The following MAML2 variants were observed in gnomAD, a reference collection of about 807,000 sequenced individuals.
The protein encoded by MAML2 is mastermind like transcriptional coactivator 2.
A neutral mutation model predicts 96.1 loss-of-function variants in MAML2; 22 were observed. That is an observed-to-expected ratio of 0.23 (90% CI 0.16 to 0.33). The LOEUF (loss-of-function observed/expected upper bound fraction) is 0.33. Ranked by LOEUF, MAML2 falls within the 10% of genes least tolerant of loss-of-function variation. MAML2 has a pLI of 1.00. For synonymous variants in MAML2, 561 were observed against 521.3 expected (o/e 1.08, Z -1.04); for missense variants, 1,367 against 1,392.4 (o/e 0.98, Z 0.29).
At chr11:96,132,369 C>T (rs895965160) in intron 1 of MAML2, among the ~76,000 whole-genome samples, 24 of 152,316 alleles carry the variant, frequency 1.6e-4, no homozygotes, top group African/African-American at 5.1e-4. Context: ...TGCCAGAGTG[C>T]ATGCCCTAGT....
In MAML2 at chr11:96,093,284, A is replaced by G. The variant is rs1859763669; in HGVS notation, c.747T>C (p.His249=). The change falls in exon 2 of 5, where the codon CAT becomes CAC. Residue 249 remains histidine (H), a synonymous_variant. Transcript: ENST00000524717. ...PLRKTNTLPS[H]THSPGNGLFN... Reference sequence around the variant, plus strand: ...ACAGGCCATTGCCAGGAGAATGTGTATGGGATGGCAGAGTGTTAGTCTTTC... The same window carrying G: ...ACAGGCCATTGCCAGGAGAATGTGTGTGGGATGGCAGAGTGTTAGTCTTTC... The G allele has an allele frequency of 3.7e-6, 6 of 1,614,008 alleles. No homozygotes were observed. The highest frequency in any genetic ancestry group is 5.1e-6 in the Non-Finnish European group (6 of 1,179,894).
At chr11:96,168,194 A>G (rs1230681982) in intron 1 of MAML2, among the ~76,000 whole-genome samples, 1 of 152,222 alleles carries the variant, frequency 6.6e-6, no homozygotes, top group Non-Finnish European at 1.5e-5. Context: ...TGAATATAAC[A>G]GTAGTAACTA....
intron 1 of MAML2, among the ~76,000 whole-genome samples, chr11:96,258,790 G>T (rs375504131): frequency 6.6e-6 from 1 of 152,314 alleles, no homozygotes; most frequent in East Asian, 1.9e-4. Flanking sequence ...AGAGCCAATG[G>T]GAGTCAGCCA....
chr11:96,327,368 G>A (rs1021494902), intron 1 of MAML2, among the ~76,000 whole-genome samples: 1 of 152,084 alleles, frequency 6.6e-6, no homozygotes, highest in Non-Finnish European at 1.5e-5. Context: ...GTAATTGGCA[G>A]GTTCTTGTCT....
rs567211497 is a variant in MAML2 at position 96,132,250 on chromosome 11, C to A, written c.514-38733G>T. Among the ~76,000 whole-genome samples the A allele has an allele frequency of 3.9e-5, 6 of 152,234 alleles. No homozygotes were observed. The East Asian group carries it at 1.2e-3, about 29-fold the overall frequency. On this transcript the variant is annotated intron_variant, in intron 1 of 4. Transcript: ENST00000524717. The stretch of plus-strand genomic sequence containing the variant: ...ATGAGGTGAGGCATTTGTTGCAGTA[C>A]CTTTTACCCTTTAATTCATTTATTC...
intron 2 of MAML2, among the ~76,000 whole-genome samples, chr11:96,009,296 A>G (rs1469357421): frequency 6.6e-6 from 1 of 152,024 alleles, no homozygotes; most frequent in Non-Finnish European, 1.5e-5. Context: ...TATTTTCTTT[A>G]CCTTGATCTG....
At chr11:96,147,507 G>A (rs1202269175) in intron 1 of MAML2, among the ~76,000 whole-genome samples, 1 of 152,140 alleles carries the variant, frequency 6.6e-6, no homozygotes, top group African/African-American at 2.4e-5. Context: ...TTAAATCGTA[G>A]ATCTGATTTA....
intron 1 of MAML2, among the ~76,000 whole-genome samples, chr11:96,252,521 G>T (rs2135967759): frequency 6.6e-6 from 1 of 151,160 alleles, no homozygotes; most frequent in Admixed American, 6.7e-5. Context: ...TGCCTCCCGG[G>T]TTCAAACAAT....
chr11:96,244,941 C>T (rs1046979666), intron 1 of MAML2, among the ~76,000 whole-genome samples: 8 of 152,156 alleles, frequency 5.3e-5, no homozygotes, highest in South Asian at 4.1e-4. Context: ...ATTTTGTCCA[C>T]CTGAAACAAA....
intron 2 of MAML2, among the ~76,000 whole-genome samples, chr11:96,005,261 ACTT>A (rs10554206): frequency 0.24 from 35,761 of 151,930 alleles, 4,494 homozygotes; most frequent in East Asian, 0.38. Flanking sequence ...GACAATTTTT[ACTT>A]CTTATCACGT....
At chr11:96,010,680 GA>G (rs1334293376) in intron 2 of MAML2, among the ~76,000 whole-genome samples, 11 of 152,146 alleles carry the variant, frequency 7.2e-5, no homozygotes, top group African/African-American at 2.7e-4. Context: ...TAAAACACAA[GA>G]AAAGTTGCTT....
At chr11:96,127,704 T>G (rs1860471257) in intron 1 of MAML2, among the ~76,000 whole-genome samples, 1 of 152,238 alleles carries the variant, frequency 6.6e-6, no homozygotes, top group African/African-American at 2.4e-5. Flanking sequence ...TGGCACAGAT[T>G]ACTGCCTTCG....
intron 1 of MAML2, among the ~76,000 whole-genome samples, chr11:96,188,747 G>A (rs772246023): frequency 2.0e-5 from 3 of 151,992 alleles, no homozygotes; most frequent in Non-Finnish European, 4.4e-5. Flanking sequence ...TGTGGGAGGG[G>A]ACTGACAATG....
chr11:96,149,009 T>C (rs1860873085), intron 1 of MAML2, among the ~76,000 whole-genome samples: 1 of 152,214 alleles, frequency 6.6e-6, no homozygotes, highest in Non-Finnish European at 1.5e-5. Context: ...CTCGTCACTT[T>C]AGGATCTCCC....
intron 1 of MAML2, among the ~76,000 whole-genome samples, chr11:96,159,710 G>A (rs555342312): frequency 6.6e-6 from 1 of 151,988 alleles, no homozygotes; most frequent in African/African-American, 2.4e-5. Flanking sequence ...AGGTGTGAGC[G>A]ACCGCGCCCG....
Position 96,341,477 on chromosome 11 carries a change from T to C in MAML2, c.419A>G (p.Asn140Ser), listed in dbSNP as rs1295063401. Residue 140 changes from asparagine to serine, a missense_variant, in exon 1 of 5, where the codon AAC becomes AGC. Transcript: ENST00000524717. ...ACCACTGCCACCATTATTGCTACTG[T>C]TCAGCAGGTGCTGCTGGTGGTGATG... is the stretch of plus-strand genomic sequence containing the variant. ...YHHHHQQHLL[N>S]SSNNGGSGGI... 1.3e-6 allele frequency: 2 copies of C among 1,551,610 alleles called. No homozygotes were observed. Among genetic ancestry groups the C allele is most frequent in the South Asian group, 1.2e-5 (1 of 84,040 alleles).
At chr11:96,008,240 A>T (rs1858216788) in intron 2 of MAML2, among the ~76,000 whole-genome samples, 1 of 44 alleles carries the variant, frequency 0.023, no homozygotes, top group South Asian at 0.25. Context: ...GGTTGGTTGT[A>T]TCGGATTCTA....
chr11:95,987,013 A>G (rs551594797), intron 3 of MAML2, among the ~76,000 whole-genome samples: 1 of 152,328 alleles, frequency 6.6e-6, no homozygotes, highest in African/African-American at 2.4e-5. Context: ...GAGGGGTCAC[A>G]GGGTGTCTCA....
At position 95,979,170 on chromosome 11, in the gene MAML2, C is replaced by T. The variant is rs754822388; in HGVS notation, c.3249G>A (p.Thr1083=). 6.8e-6 allele frequency: 11 copies of T among 1,613,948 alleles called. No individual in the cohort carries two copies. The highest frequency in any genetic ancestry group is 4.5e-5 in the East Asian group (2 of 44,878). ...GGTTGGGTGAAGGAAAATTGCTGGG[C>T]GTCAGGGATGGTGGCTGGTTGATGC... The part of the protein sequence containing the change: ...RTGINQPPSL[T]PSNFPSPNQS... The change falls in exon 5 of 5, where the codon ACG becomes ACA. Residue 1083 remains threonine, a synonymous_variant. Coordinates refer to ENST00000524717, the MANE Select transcript of MAML2 (RefSeq NM_032427.4).
Sources: allele counts gnomAD v4.1 joint callset (sites outside exome capture counted in the v4.1 genomes callset), GRCh38; gene constraint gnomAD v4.1.1; transcripts MANE v1.5; gene names NCBI Gene and HGNC (gene_info 2026-07-23, HGNC 2026-07-21).